The following KDM4A variants were observed in gnomAD, a reference collection of about 807,000 sequenced individuals.
KDM4A encodes the protein lysine-specific demethylase 4A.
Under a neutral mutation model 127.1 loss-of-function variants are expected in KDM4A, and 23 were observed. The observed-to-expected ratio is 0.18, with a 90% CI of 0.13 to 0.26. KDM4A has a LOEUF of 0.26. Ranked by LOEUF, KDM4A falls within the 10% of genes least tolerant of loss-of-function variation. The probability of loss-of-function intolerance (pLI) is 1.00; values close to 1 mark genes in which losing one functional copy is unlikely to be tolerated. For synonymous variants in KDM4A, 443 were observed against 466.5 expected (o/e 0.95, Z 0.65); for missense variants, 890 against 1,329.1 (o/e 0.67, Z 5.14).
At chr1:43,661,091 C>T (rs1211355649) in intron 4 of KDM4A, among the ~76,000 whole-genome samples, 1 of 151,926 alleles carries the variant, frequency 6.6e-6, no homozygotes, top group Non-Finnish European at 1.5e-5. Context: ...TCTCCTGCCT[C>T]AGCCACCTGA....
chr1:43,693,772 AGGGCAGTGGGCAGTGGCCTAGGT>A lies in KDM4A; in HGVS notation c.2376-211_2376-189del, dbSNP rs1177383846. Among the ~76,000 whole-genome samples, 1 of 152,224 alleles carries A rather than the reference AGGGCAGTGGGCAGTGGCCTAGGT, an allele frequency of 6.6e-6. No homozygotes were observed. Among genetic ancestry groups the A allele is most frequent in the Non-Finnish European group, 1.5e-5 (1 of 68,042 alleles). On this transcript the variant is annotated intron_variant, in intron 16 of 21. Transcript: ENST00000372396. The surrounding 1 kb of genome is among the most constrained non-coding windows in gnomAD (Gnocchi z 4.2). The stretch of plus-strand genomic sequence containing the variant: ...AAGAAGCATGATCCGGTGCTAACCT[AGGGCAGTGGGCAGTGGCCTAGGT>A]GGGCAGTGGGGGTGGCACTGCTTCC...
Position 43,671,971 on chromosome 1 carries a change from G to A in KDM4A, c.1734+96G>A. ...GTGGGGGAGGGAGGTGGATCTGTGT[G>A]ATGGAGGTGCTGCAGGAGGGCAGGA... On this transcript the variant is annotated intron_variant, in intron 11 of 21. Coordinates refer to ENST00000372396, the MANE Select transcript of KDM4A (RefSeq NM_014663.3). The A allele has an allele frequency of 3.6e-6, 5 of 1,395,874 alleles. No homozygotes were observed. The South Asian group carries it at 5.0e-5, about 14-fold the overall frequency. 86.5% of individuals were successfully genotyped at this position (1,395,874 alleles called of 1,614,324 possible). A position where few individuals can be genotyped will look rare whatever the true frequency, so the allele number is the denominator to read the frequency against.
chr1:43,661,628 A>AG lies in KDM4A; in HGVS notation c.429+1216_429+1217insG, dbSNP rs1660382608. ...TGTCTCAAAAAAAAAAAAAAAAAAAAAAAAAAAAAAAAGAATTCCAGTTTT... is the reference window on the plus strand; with the variant it reads ...TGTCTCAAAAAAAAAAAAAAAAAAAAGAAAAAAAAAAAAGAATTCCAGTTTT... On this transcript the variant is annotated intron_variant, in intron 4 of 21. Coordinates refer to ENST00000372396, the MANE Select transcript of KDM4A (RefSeq NM_014663.3). Among the ~76,000 whole-genome samples, 3 of 148,846 alleles carry AG rather than the reference A, an allele frequency of 2.0e-5. 1 individual carries two copies. Among genetic ancestry groups the AG allele is most frequent in the Admixed American group, 6.7e-5 (1 of 14,900 alleles).
At chr1:43,681,059 C>A (rs2154047953) in intron 11 of KDM4A, among the ~76,000 whole-genome samples, 1 of 152,306 alleles carries the variant, frequency 6.6e-6, no homozygotes, top group East Asian at 1.9e-4. Flanking sequence ...ACTATGATCT[C>A]ATTTTTCCCT....
At chr1:43,661,608 CAAAAAAAAAAAAAAAA>C (rs34131801) in intron 4 of KDM4A, among the ~76,000 whole-genome samples, 3 of 40,856 alleles carry the variant, frequency 7.3e-5, no homozygotes, top group South Asian at 1.9e-3. Context: ...GACTCTGTCT[CAAAAAAAAAAAAAAAA>C]AAAAAAAAAA....
chr1:43,681,710 G>C (rs1210208592), intron 11 of KDM4A, among the ~76,000 whole-genome samples: 1 of 152,172 alleles, frequency 6.6e-6, no homozygotes, highest in East Asian at 1.9e-4. Context: ...CAAAGTGATG[G>C]CGGGGGCAGG....
chr1:43,671,444 T>C (rs1660615275), intron 10 of KDM4A, 61 bp from the exon 11 acceptor site: 4 of 1,484,866 alleles, frequency 2.7e-6, no homozygotes, highest in Non-Finnish European at 3.6e-6. Flanking sequence ...CCCTCTGCCT[T>C]TCATCAGGTT....
Position 43,690,979 on chromosome 1 carries a change from T to C in KDM4A, c.2172T>C (p.Thr724=), listed in dbSNP as rs1298255003. ...GCAGCACGGACATCAACCTTTCTAC[T>C]CCTTATCTTGAGGAGGATGGCACCA... The part of the protein sequence containing the change: ...TGCSTDINLS[T]PYLEEDGTSI... The change falls in exon 14 of 22, where the codon ACT becomes ACC. Residue 724 remains threonine, a synonymous_variant. Transcript: ENST00000372396. 6.2e-7 allele frequency: 1 copy of C among 1,614,070 alleles called. No individual in the cohort carries two copies. The highest frequency in any genetic ancestry group is 2.2e-5 in the East Asian group (1 of 44,898).
chr1:43,661,592 G>C (rs1484609320), intron 4 of KDM4A, among the ~76,000 whole-genome samples: 2 of 107,802 alleles, frequency 1.9e-5, no homozygotes, highest in Non-Finnish European at 3.4e-5. Flanking sequence ...CTGGGTGACA[G>C]AGCAAGACTC....
At chr1:43,654,688 T>C (rs566318507) in intron 2 of KDM4A, among the ~76,000 whole-genome samples, 1 of 141,910 alleles carries the variant, frequency 7.0e-6, no homozygotes, top group East Asian at 2.1e-4. Context: ...TGTTGCCTTA[T>C]GCAGATGCTT....
intron 14 of KDM4A, 47 bp from the exon 15 acceptor site, chr1:43,691,449 G>T: frequency 1.4e-6 from 2 of 1,476,690 alleles, no homozygotes; most frequent in Non-Finnish European, 1.9e-6. Flanking sequence ...TCTACCTTTT[G>T]ACTCTGACCA....
chr1:43,670,556 ATTTTTTTT>A (rs35331772), intron 10 of KDM4A, among the ~76,000 whole-genome samples: 3 of 76,160 alleles, frequency 3.9e-5, no homozygotes, highest in Admixed American at 1.5e-4. Flanking sequence ...CGCCTGGCTA[ATTTTTTTT>A]TTTTTTTTTT....
chr1:43,689,523 G>A (rs554231311), intron 13 of KDM4A, among the ~76,000 whole-genome samples: 2 of 152,318 alleles, frequency 1.3e-5, no homozygotes, highest in African/African-American at 4.8e-5. Context: ...GCCACAATGC[G>A]TGTTGCCAGT....
chr1:43,696,435 T>C (rs1287832235), intron 18 of KDM4A, among the ~76,000 whole-genome samples: 1 of 152,170 alleles, frequency 6.6e-6, no homozygotes, highest in Non-Finnish European at 1.5e-5. Flanking sequence ...AACTTTTCAC[T>C]CTGCCATTTG....
intron 15 of KDM4A, among the ~76,000 whole-genome samples, chr1:43,691,829 C>A (rs1321479288): frequency 6.6e-6 from 1 of 152,044 alleles, no homozygotes; most frequent in Non-Finnish European, 1.5e-5. Context: ...ACAATAACTC[C>A]CTTAAAAGAA....
At chr1:43,677,344 C>CAAAAAAAA (rs35771419) in intron 11 of KDM4A, among the ~76,000 whole-genome samples, 1 of 65,808 alleles carries the variant, frequency 1.5e-5, no homozygotes, top group African/African-American at 4.5e-5. Context: ...GACTCCATCT[C>CAAAAAAAA]AAAAAAAAAA....
intron 12 of KDM4A, among the ~76,000 whole-genome samples, chr1:43,686,441 A>AT (rs745491061): frequency 1.6e-4 from 24 of 150,932 alleles, no homozygotes; most frequent in Admixed American, 9.3e-4. Flanking sequence ...GGTTCAAGTG[A>AT]TTCTCCTGCC....
rs755488881 is a variant in KDM4A, at chr1:43,666,458, TC to T, written c.683del (p.Pro228GlnfsTer15). Reference protein sequence around the residue: ...KRLERLAKGFFPGSAQSCEAF... With the variant: ...KRLERLAKGFXPGSAQSCEAF... The stretch of plus-strand genomic sequence containing the variant: ...TACCCTTTCAATTAAATAGGCTTTT[TC>T]CCAGGAAGTGCTCAAAGCTGTGAGG... On this transcript the variant is annotated frameshift_variant, in exon 7 of 22. Transcript: ENST00000372396. LOFTEE classifies it high-confidence loss of function. The T allele has an allele frequency of 6.2e-7, 1 of 1,614,012 alleles. No individual in the cohort carries two copies. Among genetic ancestry groups the T allele is most frequent in the East Asian group, 2.2e-5 (1 of 44,882 alleles).
chr1:43,669,062 T>C (rs776574914), intron 9 of KDM4A, 38 bp from the exon 10 acceptor site: 2 of 1,605,142 alleles, frequency 1.2e-6, no homozygotes, highest in East Asian at 2.2e-5. Flanking sequence ...AGTGGATGTA[T>C]ATGTGGGCTC....
Sources: gnomAD v4.1 joint callset for allele counts (sites outside exome capture counted in the v4.1 genomes callset) on GRCh38, gnomAD v4.1.1 for gene constraint, Gnocchi (gnomAD v3.1) non-coding constraint, MANE v1.5 for transcripts, NCBI Gene and HGNC (gene_info 2026-07-23, HGNC 2026-07-21) for gene names.